Variants in EPHA6 observed in about 807,000 individuals in gnomAD.
EPHA6 encodes EPH receptor A6, also known as ephrin type-A receptor 6.
In EPHA6, 50 loss-of-function variants were observed where a neutral mutation model predicts 112.0. The observed-to-expected ratio is 0.45, with a 90% CI of 0.36 to 0.56. The LOEUF (loss-of-function observed/expected upper bound fraction) is 0.56. EPHA6 is among the 20% of genes least tolerant of loss of function. The pLI is 0.00. For missense variants in EPHA6, 1,280 were observed against 1,417.4 expected, an observed-to-expected ratio of 0.90 and a Z score of 1.56; for synonymous variants, 529 against 490.7, an observed-to-expected ratio of 1.08 and a Z score of -1.03.
At chr3:97,428,717 G>T (rs1374997262) in intron 6 of EPHA6, among the ~76,000 whole-genome samples, 2 of 145,952 alleles carry the variant, frequency 1.4e-5, no homozygotes, top group African/African-American at 2.8e-5. Context: ...AGGGTCTCCA[G>T]CTACCACAGC....
At chr3:97,731,301 G>T (rs1034949363) in intron 15 of EPHA6, among the ~76,000 whole-genome samples, 1 of 152,074 alleles carries the variant, frequency 6.6e-6, no homozygotes, top group African/African-American at 2.4e-5. Flanking sequence ...GGAGGAGCGG[G>T]TTTAGTTTTG....
chr3:97,555,353 A>G (rs548927560), intron 11 of EPHA6, among the ~76,000 whole-genome samples: 1,788 of 151,978 alleles, frequency 0.012, 36 homozygotes, highest in African/African-American at 0.04. Flanking sequence ...GGTTGGTTCT[A>G]AGTCTTTGCT....
intron 3 of EPHA6, among the ~76,000 whole-genome samples, chr3:97,157,713 G>T (rs1232071863): frequency 6.6e-6 from 1 of 152,088 alleles, no homozygotes; most frequent in Admixed American, 6.6e-5. Flanking sequence ...GCCCAAAGAT[G>T]AGAAAAGACC....
chr3:97,642,634 G>T (rs576966535), intron 14 of EPHA6, among the ~76,000 whole-genome samples: 2 of 152,156 alleles, frequency 1.3e-5, no homozygotes, highest in African/African-American at 4.8e-5. Flanking sequence ...CGAGAACTAC[G>T]TGAAGAATGC....
chr3:97,455,852 C>CAA (rs569727647), intron 7 of EPHA6, among the ~76,000 whole-genome samples: 1 of 126,102 alleles, frequency 7.9e-6, no homozygotes. Flanking sequence ...ACTGAATTGA[C>CAA]AAAAAAAAAA....
chr3:97,692,646 G>A (rs1259794865), intron 14 of EPHA6, among the ~76,000 whole-genome samples: 2 of 152,132 alleles, frequency 1.3e-5, no homozygotes, highest in African/African-American at 4.8e-5. Flanking sequence ...CTCTCTGTGT[G>A]ACTCGTTTGC....
At chr3:97,557,835 T>G (rs1290396953) in intron 11 of EPHA6, among the ~76,000 whole-genome samples, 1 of 152,008 alleles carries the variant, frequency 6.6e-6, no homozygotes, top group African/African-American at 2.4e-5. Flanking sequence ...TTAAAAAATT[T>G]TCTTTAGGAT....
At chr3:97,139,644 A>C (rs1173489868) in intron 3 of EPHA6, among the ~76,000 whole-genome samples, 1 of 152,144 alleles carries the variant, frequency 6.6e-6, no homozygotes, top group African/African-American at 2.4e-5. Context: ...AAAGGACCCT[A>C]CCCAACATGT....
chr3:97,363,972 AAGT>A (rs1476244812), intron 5 of EPHA6, among the ~76,000 whole-genome samples: 1 of 152,054 alleles, frequency 6.6e-6, no homozygotes, highest in African/African-American at 2.4e-5. Context: ...TAAAGACAGA[AAGT>A]AGAATAGTGG....
At chr3:97,036,690 T>C (rs2045110350) in intron 3 of EPHA6, among the ~76,000 whole-genome samples, 1 of 152,036 alleles carries the variant, frequency 6.6e-6, no homozygotes, top group South Asian at 2.1e-4. Context: ...GAGTTTTCCC[T>C]TGAACTAATC....
intron 5 of EPHA6, among the ~76,000 whole-genome samples, chr3:97,279,799 T>G (rs1239243886): frequency 6.6e-6 from 1 of 152,242 alleles, no homozygotes; most frequent in Non-Finnish European, 1.5e-5. Context: ...ACTGTCCAAT[T>G]CATAGATACT....
chr3:97,603,793 A>T (rs923050810), intron 12 of EPHA6, among the ~76,000 whole-genome samples: 2 of 151,944 alleles, frequency 1.3e-5, no homozygotes, highest in Non-Finnish European at 2.9e-5. Context: ...CCTAAGAGAA[A>T]CCATCTTGTT....
At chr3:97,229,499 G>T (rs1246962601) in intron 4 of EPHA6, among the ~76,000 whole-genome samples, 1 of 151,782 alleles carries the variant, frequency 6.6e-6, no homozygotes, top group Non-Finnish European at 1.5e-5. Context: ...TTATGTTTTT[G>T]TTTGCTTTTA....
At chr3:97,665,264 A>G (rs1333711253) in intron 14 of EPHA6, among the ~76,000 whole-genome samples, 1 of 152,208 alleles carries the variant, frequency 6.6e-6, no homozygotes, top group Non-Finnish European at 1.5e-5. Context: ...CTGGCTAGCC[A>G]TACGTAGAAA....
intron 2 of EPHA6, among the ~76,000 whole-genome samples, chr3:96,929,537 T>A (rs1345052597): frequency 6.6e-6 from 1 of 152,184 alleles, no homozygotes. Flanking sequence ...CAGTTTTCTT[T>A]TTTAAATATT....
chr3:97,205,820 TC>T (rs1178767629), intron 3 of EPHA6, among the ~76,000 whole-genome samples: 2 of 152,092 alleles, frequency 1.3e-5, no homozygotes, highest in Admixed American at 1.3e-4. Context: ...TAATCATCGC[TC>T]ATGATGATCC....
intron 6 of EPHA6, among the ~76,000 whole-genome samples, chr3:97,415,660 A>G (rs1160943159): frequency 2.0e-5 from 3 of 152,074 alleles, no homozygotes; most frequent in Non-Finnish European, 1.5e-5. Flanking sequence ...CTTGTCTTTG[A>G]ATTCAGGCAT....
chr3:97,303,132 C>A (rs932171826), intron 5 of EPHA6, among the ~76,000 whole-genome samples: 1 of 151,858 alleles, frequency 6.6e-6, no homozygotes, highest in African/African-American at 2.4e-5. Context: ...AAAGTAGAAT[C>A]ATTTCATACT....
At chr3:97,740,482 T>C (rs762237197) in intron 16 of EPHA6, among the ~76,000 whole-genome samples, 2 of 152,124 alleles carry the variant, frequency 1.3e-5, no homozygotes, top group Non-Finnish European at 2.9e-5. Context: ...TTATGTACTG[T>C]ATATTGTTAC....
Sources: gnomAD v4.1 joint callset for allele counts (sites outside exome capture counted in the v4.1 genomes callset) on GRCh38, gnomAD v4.1.1 for gene constraint, MANE v1.5 for transcripts, NCBI Gene and HGNC (gene_info 2026-07-23, HGNC 2026-07-21) for gene names.